The following DAB1 variants were observed in gnomAD, a reference collection of about 807,000 sequenced individuals.
The protein encoded by DAB1 is DAB adaptor protein 1, also known as disabled homolog 1.
In DAB1, 15 loss-of-function variants were observed where a neutral mutation model predicts 64.6. That is an observed-to-expected ratio of 0.23 (90% confidence interval 0.16 to 0.36). DAB1 has a LOEUF of 0.36. Ranked by LOEUF, DAB1 falls within the 10% of genes least tolerant of loss-of-function variation. The pLI, the probability that DAB1 is intolerant of heterozygous loss-of-function variation, is 1.00. For synonymous variants in DAB1, 235 were observed against 251.9 expected (o/e 0.93, Z 0.64); for missense variants, 596 against 706.7 (o/e 0.84, Z 1.78).
intron 5 of DAB1, among the ~76,000 whole-genome samples, chr1:58,135,755 G>A (rs1426031764): frequency 6.6e-6 from 1 of 152,148 alleles, no homozygotes; most frequent in African/African-American, 2.4e-5. Context: ...ACACTGTTAA[G>A]GGACTTTTGG....
intron 1 of DAB1, among the ~76,000 whole-genome samples, chr1:57,330,867 T>C (rs572567685): frequency 2.2e-4 from 34 of 152,206 alleles, no homozygotes; most frequent in Admixed American, 2.1e-3. Flanking sequence ...CTGCTTAGCA[T>C]ATATTGTTCC....
At chr1:57,568,170 T>C (rs918555121) in intron 7 of DAB1, among the ~76,000 whole-genome samples, 3 of 152,098 alleles carry the variant, frequency 2.0e-5, no homozygotes, top group African/African-American at 4.8e-5. Context: ...AAACAAGAAA[T>C]GGGGAAAGGA....
intron 6 of DAB1, among the ~76,000 whole-genome samples, chr1:57,754,172 A>G (rs1648684829): frequency 6.6e-6 from 1 of 152,144 alleles, no homozygotes; most frequent in Non-Finnish European, 1.5e-5. Context: ...TTTTATGCTT[A>G]CTCACAGTTT....
At chr1:57,611,529 A>G (rs1162223899) in intron 7 of DAB1, among the ~76,000 whole-genome samples, 1 of 152,212 alleles carries the variant, frequency 6.6e-6, no homozygotes, top group Non-Finnish European at 1.5e-5. Flanking sequence ...CCATCTCTCT[A>G]GTGTTGCAGG....
chr1:57,651,940 C>T (rs1053391072), intron 6 of DAB1, among the ~76,000 whole-genome samples: 10 of 152,108 alleles, frequency 6.6e-5, no homozygotes, highest in African/African-American at 2.2e-4. Context: ...CTTCAAGCTG[C>T]CCTTCATTAT....
At chr1:58,512,871 T>A (rs1420910786) in intron 2 of DAB1, among the ~76,000 whole-genome samples, 1 of 152,086 alleles carries the variant, frequency 6.6e-6, no homozygotes, top group African/African-American at 2.4e-5. Flanking sequence ...AAATTATAAA[T>A]TTAAGAGGGT....
intron 4 of DAB1, among the ~76,000 whole-genome samples, chr1:58,162,976 G>A (rs1001607765): frequency 6.6e-6 from 1 of 152,126 alleles, no homozygotes; most frequent in African/African-American, 2.4e-5. Flanking sequence ...AATTTAGTAG[G>A]TAGAGGACAG....
chr1:57,464,327 A>G (rs1030478007), intron 7 of DAB1, among the ~76,000 whole-genome samples: 4 of 151,900 alleles, frequency 2.6e-5, no homozygotes, highest in African/African-American at 9.7e-5. Flanking sequence ...CTTTATTGCC[A>G]CCTCCACCAG....
chr1:57,530,737 G>C (rs1644653296), intron 7 of DAB1, among the ~76,000 whole-genome samples: 1 of 152,172 alleles, frequency 6.6e-6, no homozygotes, highest in Admixed American at 6.5e-5. Flanking sequence ...GTGACACACA[G>C]AATGTTCATT....
At chr1:58,389,428 A>G (rs1253180126) in intron 3 of DAB1, among the ~76,000 whole-genome samples, 1 of 152,186 alleles carries the variant, frequency 6.6e-6, no homozygotes. Context: ...GCAGAGTGAC[A>G]ACATATCTCA....
At chr1:57,913,409 G>A (rs1419053749) in intron 5 of DAB1, among the ~76,000 whole-genome samples, 1 of 152,184 alleles carries the variant, frequency 6.6e-6, no homozygotes, top group Non-Finnish European at 1.5e-5. Flanking sequence ...AGCTGCAACT[G>A]GATCCCTTCC....
intron 6 of DAB1, among the ~76,000 whole-genome samples, chr1:57,693,655 T>C (rs1271367505): frequency 6.6e-6 from 1 of 152,218 alleles, no homozygotes; most frequent in Non-Finnish European, 1.5e-5. Context: ...ATCTTGCTGC[T>C]GCTCACTCTT....
chr1:57,066,281 A>G (rs1339734926), intron 8 of DAB1, among the ~76,000 whole-genome samples: 3 of 152,212 alleles, frequency 2.0e-5, no homozygotes, highest in Non-Finnish European at 2.9e-5. Flanking sequence ...CCTTGTATTC[A>G]GCACCTCAAT....
At chr1:58,131,954 G>C (rs1370557891) in intron 5 of DAB1, among the ~76,000 whole-genome samples, 1 of 151,684 alleles carries the variant, frequency 6.6e-6, no homozygotes, top group African/African-American at 2.4e-5. Flanking sequence ...TACAGAGGCA[G>C]GCAGGCCTCC....
chr1:57,607,803 G>A (rs1645675373), intron 7 of DAB1, among the ~76,000 whole-genome samples: 1 of 152,188 alleles, frequency 6.6e-6, no homozygotes, highest in Admixed American at 6.5e-5. Flanking sequence ...CAGCACATGA[G>A]AGAAGTAAGC....
chr1:57,965,710 G>A (rs925532262), intron 5 of DAB1, among the ~76,000 whole-genome samples: 4 of 152,154 alleles, frequency 2.6e-5, no homozygotes, highest in African/African-American at 9.7e-5. Flanking sequence ...GCCATTTTCA[G>A]AAATGTTGTA....
intron 6 of DAB1, among the ~76,000 whole-genome samples, chr1:57,753,390 AAGAAATGTAT>A (rs1648645100): frequency 6.6e-6 from 1 of 152,166 alleles, no homozygotes; most frequent in Non-Finnish European, 1.5e-5. Context: ...CCCTCTGAGG[AAGAAATGTAT>A]AGAAAAACAA....
chr1:58,188,014 T>C (rs1657185827), intron 4 of DAB1, among the ~76,000 whole-genome samples: 1 of 151,958 alleles, frequency 6.6e-6, no homozygotes, highest in South Asian at 2.1e-4. Context: ...ATTCAAGCGA[T>C]TCTCCTGCCT....
chr1:57,336,281 T>C (rs1677070893), intron 1 of DAB1, among the ~76,000 whole-genome samples: 1 of 152,214 alleles, frequency 6.6e-6, no homozygotes, highest in African/African-American at 2.4e-5. Context: ...TAAACACGAC[T>C]AATCCAAGAA....
Sources: gnomAD v4.1 joint callset for allele counts (sites outside exome capture counted in the v4.1 genomes callset) on GRCh38, gnomAD v4.1.1 for gene constraint, MANE v1.5 for transcripts, NCBI Gene and HGNC (gene_info 2026-07-23, HGNC 2026-07-21) for gene names.